The following LRRIQ3 variants were observed in gnomAD, a reference collection of about 807,000 sequenced individuals.
LRRIQ3 encodes the protein leucine rich repeats and IQ motif containing 3, also known as leucine-rich repeat and IQ domain-containing protein 3.
Under a neutral mutation model 59.3 loss-of-function variants are expected in LRRIQ3, and 75 were observed. That is an observed-to-expected ratio of 1.26 (90% CI 1.05 to 1.53). The LOEUF (loss-of-function observed/expected upper bound fraction) is 1.53, where lower values mean the gene tolerates loss of function less well. Ranked by LOEUF, LRRIQ3 falls within the 40% of genes most tolerant of loss-of-function variation. The pLI is 0.00. For synonymous variants in LRRIQ3, 250 were observed against 231.3 expected (o/e 1.08, Z -0.73); for missense variants, 831 against 710.0 (o/e 1.17, Z -1.94).
chr1:74,162,204 T>A (rs143209902), intron 3 of LRRIQ3, among the ~76,000 whole-genome samples: 1,682 of 151,980 alleles, frequency 0.011, 36 homozygotes, highest in African/African-American at 0.039. Flanking sequence ...TATAAGGGAC[T>A]TCTACATACA....
chr1:74,102,821 C>T (rs553594686), intron 5 of LRRIQ3, among the ~76,000 whole-genome samples: 2 of 152,088 alleles, frequency 1.3e-5, no homozygotes, highest in East Asian at 1.9e-4. Context: ...TAATCTAGCA[C>T]CCACTTGCTG....
chr1:74,176,209 T>C (rs1009868279), intron 3 of LRRIQ3, among the ~76,000 whole-genome samples: 4 of 152,134 alleles, frequency 2.6e-5, no homozygotes, highest in Non-Finnish European at 5.9e-5. Context: ...CCTTCTTCAT[T>C]CCTGAGGAAT....
intron 4 of LRRIQ3, 34 bp from the exon 5 acceptor site, chr1:74,109,587 G>C (rs778091675): frequency 1.3e-6 from 2 of 1,516,996 alleles, no homozygotes; most frequent in South Asian, 1.3e-5. Context: ...CTATTTGTTA[G>C]TTTTTTGCCA....
chr1:74,116,634 T>C (rs1401193985), intron 4 of LRRIQ3, among the ~76,000 whole-genome samples: 2 of 152,056 alleles, frequency 1.3e-5, no homozygotes, highest in East Asian at 3.9e-4. Flanking sequence ...CTGGGTTCAG[T>C]AGAAAAATAC....
intron 2 of LRRIQ3, 30 bp from the exon 3 acceptor site, chr1:74,182,891 C>A: frequency 7.9e-7 from 1 of 1,262,362 alleles, no homozygotes; most frequent in South Asian, 1.9e-5. Flanking sequence ...CTTTTAAATT[C>A]CAAAATTACT....
intron 4 of LRRIQ3, among the ~76,000 whole-genome samples, chr1:74,112,090 C>T (rs1473372274): frequency 6.6e-6 from 1 of 152,050 alleles, no homozygotes; most frequent in Non-Finnish European, 1.5e-5. Context: ...ACAGGTGAGG[C>T]AAGTTGAGAA....
intron 6 of LRRIQ3, among the ~76,000 whole-genome samples, chr1:74,060,576 T>G (rs1654694299): frequency 6.6e-6 from 1 of 152,100 alleles, no homozygotes; most frequent in Non-Finnish European, 1.5e-5. Context: ...CATTTGTAAT[T>G]TTTTTCTCTG....
intron 4 of LRRIQ3, among the ~76,000 whole-genome samples, chr1:74,121,934 T>C (rs1410487566): frequency 1.3e-5 from 2 of 152,096 alleles, no homozygotes; most frequent in South Asian, 4.2e-4. Context: ...TATGGCTGCA[T>C]AGTATTCCAT....
chr1:74,112,318 G>A (rs1019212591), intron 4 of LRRIQ3, among the ~76,000 whole-genome samples: 1 of 152,060 alleles, frequency 6.6e-6, no homozygotes, highest in African/African-American at 2.4e-5. Context: ...AAATCTAAAG[G>A]CACTGTTAAA....
chr1:74,035,484 T>C (rs1653843118), intron 7 of LRRIQ3, among the ~76,000 whole-genome samples: 10 of 152,132 alleles, frequency 6.6e-5, no homozygotes, highest in Admixed American at 6.6e-4. Context: ...GTTAAAATAT[T>C]TTGAGTCAAC....
chr1:74,032,216 T>G (rs1197425411), intron 7 of LRRIQ3, among the ~76,000 whole-genome samples: 1 of 152,034 alleles, frequency 6.6e-6, no homozygotes, highest in Non-Finnish European at 1.5e-5. Context: ...AAATTTAAAT[T>G]TATATGAAAA....
At chr1:74,066,369 A>G (rs1984229) in intron 6 of LRRIQ3, among the ~76,000 whole-genome samples, 74,737 of 151,864 alleles carry the variant, frequency 0.49, 19,413 homozygotes, top group East Asian at 0.82. Flanking sequence ...CATAATGTGT[A>G]CTTAGTAATC....
chr1:74,074,157 T>C (rs1646169600), intron 6 of LRRIQ3, among the ~76,000 whole-genome samples: 1 of 152,176 alleles, frequency 6.6e-6, no homozygotes, highest in Admixed American at 6.5e-5. Context: ...AAAAAATTTC[T>C]CCTAATTCCC....
chr1:74,027,084 TGAGA>T, intron 7 of LRRIQ3, 115 bp from the exon 8 acceptor site: 1 of 665,730 alleles, frequency 1.5e-6, no homozygotes, highest in Non-Finnish European at 2.4e-6. Context: ...CATATACAAG[TGAGA>T]AAGACACAAC....
At chr1:74,195,821 A>C (rs1016355867) in intron 1 of LRRIQ3, among the ~76,000 whole-genome samples, 2 of 152,286 alleles carry the variant, frequency 1.3e-5, no homozygotes, top group South Asian at 4.1e-4. Flanking sequence ...AAATACCTGG[A>C]AAAACTCTGT....
chr1:74,195,493 T>C (rs1651057225), intron 1 of LRRIQ3, among the ~76,000 whole-genome samples: 1 of 152,166 alleles, frequency 6.6e-6, no homozygotes, highest in Admixed American at 6.5e-5. Context: ...TGTAAATGGG[T>C]TGGAAGACAT....
At chr1:74,143,639 T>C (rs1439336087) in intron 4 of LRRIQ3, among the ~76,000 whole-genome samples, 1 of 151,684 alleles carries the variant, frequency 6.6e-6, no homozygotes, top group African/African-American at 2.4e-5. Context: ...CTAATCTTCA[T>C]TATACATAAG....
At chr1:74,171,010 G>A (rs941474505) in intron 3 of LRRIQ3, among the ~76,000 whole-genome samples, 7 of 151,980 alleles carry the variant, frequency 4.6e-5, no homozygotes, top group Admixed American at 3.3e-4. Flanking sequence ...TGAGTTATGT[G>A]TAACTTTACT....
Position 74,155,865 on chromosome 1 carries a change from C to A in LRRIQ3, c.575G>T (p.Gly192Val). The A allele has an allele frequency of 7.4e-7, 1 of 1,351,040 alleles. No homozygotes were observed. The highest frequency in any genetic ancestry group is 9.9e-7 in the Non-Finnish European group (1 of 1,006,556). The allele number at this position is 1,351,040 out of a possible 1,614,324, so 83.7% of individuals were successfully genotyped here. ...ATTAATTTCCTCTTCATAGGTTGTT[C>A]CCTGTATAAAGAAAATATAATTAAT... is the stretch of plus-strand genomic sequence containing the variant. The part of the protein sequence containing the change: ...FFNFCPALRK[G>V]TTYEEEINNI... The change falls in exon 4 of 8, where the codon GGA becomes GTA. Residue 192 changes from glycine (G) to valine (V), a missense_variant and splice_region_variant. Gly to Val is a moderately radical substitution (Grantham distance 109). Coordinates refer to ENST00000354431, the MANE Select transcript of LRRIQ3 (RefSeq NM_001105659.2).
Sources: allele counts gnomAD v4.1 joint callset (sites outside exome capture counted in the v4.1 genomes callset), GRCh38; gene constraint gnomAD v4.1.1; transcripts MANE v1.5; gene names NCBI Gene and HGNC (gene_info 2026-07-23, HGNC 2026-07-21).